PHLDB1: variants seen among roughly 807,000 people sequenced by gnomAD.
PHLDB1 encodes the protein pleckstrin homology like domain family B member 1.
Under a neutral mutation model 139.3 loss-of-function variants are expected in PHLDB1, and 65 were observed. That is an observed-to-expected ratio of 0.47 (90% confidence interval 0.38 to 0.57). The LOEUF is 0.57. Among genes scored for constraint, PHLDB1 ranks in the 20% least tolerant of loss-of-function variants. The probability of loss-of-function intolerance (pLI) is 0.00; values close to 1 mark genes in which losing one functional copy is unlikely to be tolerated. For synonymous variants in PHLDB1, 679 were observed against 734.5 expected, an observed-to-expected ratio of 0.92 and a Z score of 1.22; for missense variants, 1,624 against 1,839.7, an observed-to-expected ratio of 0.88 and a Z score of 2.14.
Position 118,644,155 on chromosome 11 carries a change from A to G in PHLDB1, c.3102A>G (p.Gln1034=). 1.2e-6 allele frequency: 2 copies of G among 1,612,396 alleles called. No individual in the cohort carries two copies. The highest frequency in any genetic ancestry group is 1.7e-6 in the Non-Finnish European group (2 of 1,179,602). ...TGCAGGACATCGAGACCAAGCGCCA[A>G]CTAGCTCTGCAGCAGAAGGGTGAGT... The part of the protein sequence containing the change: ...ATLQDIETKR[Q]LALQQKGQQV... Residue 1034 remains glutamine (Q), a synonymous_variant, in exon 15 of 23, where the codon CAA becomes CAG. Transcript: ENST00000600882.
intron 1 of PHLDB1, among the ~76,000 whole-genome samples, 180 bp downstream of exon 1, chr11:118,607,879 G>A (rs1237660584): frequency 6.6e-6 from 1 of 152,220 alleles, no homozygotes; most frequent in African/African-American, 2.4e-5. Flanking sequence ...CGAAAGGAGC[G>A]TTATGGGGAG....
At chr11:118,636,572 G>C (rs1945689053) in intron 10 of PHLDB1, 1 of 152,150 alleles carries the variant, frequency 6.6e-6, no homozygotes, top group South Asian at 2.1e-4. Context: ...CCTCAATGCT[G>C]TCCTTAGGAC....
intron 2 of PHLDB1, 125 bp downstream of exon 2, chr11:118,614,021 G>A (rs2135739628): frequency 1.5e-6 from 1 of 654,020 alleles, no homozygotes; most frequent in South Asian, 1.7e-5. Flanking sequence ...CCTTCCCCAG[G>A]TCCCAAGCCT....
chr11:118,610,302 A>G lies in PHLDB1; in HGVS notation c.-22+2603A>G, dbSNP rs996574422. 14 of 211,672 alleles carry G rather than the reference A, an allele frequency of 6.6e-5. No homozygotes were observed. Among genetic ancestry groups the G allele is most frequent in the Non-Finnish European group, 1.1e-4 (13 of 123,216 alleles). 13.1% of individuals were successfully genotyped at this position (211,672 alleles called of 1,614,324 possible). Reference sequence around the variant, plus strand: ...CTCTGTCAGGTTTTTCTCATCCTTAAGTTCTCTCGTCCCCCTCCCCACTCG... The same window carrying G: ...CTCTGTCAGGTTTTTCTCATCCTTAGGTTCTCTCGTCCCCCTCCCCACTCG... On this transcript the variant is annotated intron_variant, in intron 1 of 22. Coordinates refer to ENST00000600882, the MANE Select transcript of PHLDB1 (RefSeq NM_001144758.3). This position sits in a 1 kb window ranked among gnomAD's most constrained non-coding sequence, Gnocchi z 8.7.
chr11:118,618,737 C>T (rs782731162), intron 4 of PHLDB1, among the ~76,000 whole-genome samples: 15 of 151,758 alleles, frequency 9.9e-5, no homozygotes, highest in South Asian at 2.1e-4. Flanking sequence ...GCCTTGTAGA[C>T]GGGACCCTCC....
chr11:118,655,906 C>A lies in PHLDB1; in HGVS notation c.3993+14C>A. On this transcript the variant is annotated intron_variant, in intron 22 of 22. Coordinates refer to ENST00000600882, the MANE Select transcript of PHLDB1 (RefSeq NM_001144758.3). ...ATGGTGACTGAGGTACCCCTCCCCA[C>A]TTAGCTGTAACCAGCACATTAACAC... 1.2e-6 allele frequency: 2 copies of A among 1,602,822 alleles called. No individual in the cohort carries two copies. The highest frequency in any genetic ancestry group is 1.1e-5 in the South Asian group (1 of 90,840).
At chr11:118,616,414 T>G (rs1488192574) in intron 4 of PHLDB1, among the ~76,000 whole-genome samples, 1 of 152,192 alleles carries the variant, frequency 6.6e-6, no homozygotes, top group Non-Finnish European at 1.5e-5. Context: ...CCTGCTTTTC[T>G]TCTCTGGTCA....
intron 4 of PHLDB1, among the ~76,000 whole-genome samples, chr11:118,617,383 C>T (rs1414278385): frequency 6.6e-6 from 1 of 152,168 alleles, no homozygotes; most frequent in Non-Finnish European, 1.5e-5. Context: ...CTACTCACTC[C>T]ACTGTCTCCT....
chr11:118,643,076 G>A (rs1946847150), intron 13 of PHLDB1, among the ~76,000 whole-genome samples: 2 of 152,204 alleles, frequency 1.3e-5, no homozygotes, highest in Non-Finnish European at 2.9e-5. Context: ...GTAAGACTGT[G>A]ACCTCAGCTA....
intron 1 of PHLDB1, among the ~76,000 whole-genome samples, chr11:118,607,926 C>T (rs1161485856): frequency 1.3e-5 from 2 of 152,160 alleles, no homozygotes; most frequent in Admixed American, 1.3e-4. Flanking sequence ...CTTCCTCGGC[C>T]GCTGCCAACG....
intron 1 of PHLDB1, chr11:118,613,513 G>A (rs1214526825): frequency 2.6e-5 from 26 of 984,136 alleles, no homozygotes; most frequent in Non-Finnish European, 3.1e-5. Flanking sequence ...GTCAAAACCC[G>A]GGTTCTGAGT....
At position 118,645,588 on chromosome 11, in the gene PHLDB1, C is replaced by T. The variant is rs530346397; in HGVS notation, c.3354C>T (p.Asp1118=). Residue 1118 remains aspartate (D), a synonymous_variant, in exon 16 of 23, where the codon GAC becomes GAT. Transcript: ENST00000600882. This position sits in a 1 kb window ranked among gnomAD's most constrained non-coding sequence, Gnocchi z 5.1. ...AYDTLSLESS[D]SMETSISTGG... is the part of the protein sequence containing the mutation. ...ATACGCTGAGTCTGGAGAGCTCTGACAGCATGGAGACCAGCATCTCCACCG... is the reference window on the plus strand; with the variant it reads ...ATACGCTGAGTCTGGAGAGCTCTGATAGCATGGAGACCAGCATCTCCACCG... 2.0e-5 allele frequency: 32 copies of T among 1,613,866 alleles called. No individual in the cohort carries two copies. Among genetic ancestry groups the T allele is most frequent in the Non-Finnish European group, 2.1e-5 (25 of 1,179,844 alleles).
intron 3 of PHLDB1, chr11:118,615,769 C>G (rs534884918): frequency 1.8e-5 from 7 of 389,324 alleles, no homozygotes; most frequent in Non-Finnish European, 2.7e-5. Context: ...TCTTCCTTCT[C>G]CATCTGTGGA....
chr11:118,643,781 C>T lies in PHLDB1; in HGVS notation c.2878-19C>T. The T allele has an allele frequency of 6.2e-7, 1 of 1,614,068 alleles. No homozygotes were observed. Among genetic ancestry groups the T allele is most frequent in the Non-Finnish European group, 8.5e-7 (1 of 1,179,990 alleles). The stretch of plus-strand genomic sequence containing the variant: ...AATGGGGGAGCCAGGAATCACTGGG[C>T]ACTATCTTTTCTTTCCAGGTTTACC... On this transcript the variant is annotated intron_variant, in intron 13 of 22. Coordinates refer to ENST00000600882, the MANE Select transcript of PHLDB1 (RefSeq NM_001144758.3).
Position 118,650,402 on chromosome 11 carries a change from G to A in PHLDB1, c.3772-43G>A, listed in dbSNP as rs1241637545. On this transcript the variant is annotated intron_variant, in intron 19 of 22. Transcript: ENST00000600882. The surrounding 1 kb of genome is among the most constrained non-coding windows in gnomAD (Gnocchi z 4.7). ...GCGATGGCACACACTTAAGGCTTAAGGGCTGCATATTTGGGTCCTTCCTTA... is the reference window on the plus strand; with the variant it reads ...GCGATGGCACACACTTAAGGCTTAAAGGCTGCATATTTGGGTCCTTCCTTA... 2 of 1,340,918 alleles carry A rather than the reference G, an allele frequency of 1.5e-6. No individual in the cohort carries two copies. The highest frequency in any genetic ancestry group is 3.4e-5 in the Admixed American group (2 of 59,652). The allele number at this position is 1,340,918 out of a possible 1,614,324, so 83.1% of individuals were successfully genotyped here. A position where few individuals can be genotyped will look rare whatever the true frequency, so the allele number is the denominator to read the frequency against.
chr11:118,622,245 G>A (rs782487810), intron 4 of PHLDB1, among the ~76,000 whole-genome samples: 15 of 152,168 alleles, frequency 9.9e-5, no homozygotes, highest in Non-Finnish European at 1.2e-4. Context: ...TGGCCTTTGC[G>A]GGTTGGGGTG....
chr11:118,616,474 C>T (rs1195122915), intron 4 of PHLDB1, among the ~76,000 whole-genome samples: 2 of 152,062 alleles, frequency 1.3e-5, no homozygotes, highest in Non-Finnish European at 2.9e-5. Flanking sequence ...TTCTGATTCC[C>T]GCCATCAGAG....
intron 18 of PHLDB1, among the ~76,000 whole-genome samples, chr11:118,648,452 C>T (rs1947896537): frequency 6.6e-6 from 1 of 151,962 alleles, no homozygotes; most frequent in East Asian, 1.9e-4. Context: ...AGTGGCTCCC[C>T]TTGGCCTCTC....
At position 118,645,445 on chromosome 11, in the gene PHLDB1, C is replaced by T; in HGVS notation, c.3211C>T (p.His1071Tyr). The T allele has an allele frequency of 6.3e-7, 1 of 1,593,174 alleles. No individual in the cohort carries two copies. The highest frequency in any genetic ancestry group is 8.5e-7 in the Non-Finnish European group (1 of 1,170,280). Residue 1071 changes from histidine (H) to tyrosine (Y), a missense_variant, in exon 16 of 23, where the codon CAC becomes TAC. Coordinates refer to ENST00000600882, the MANE Select transcript of PHLDB1 (RefSeq NM_001144758.3). This position sits in a 1 kb window ranked among gnomAD's most constrained non-coding sequence, Gnocchi z 5.1. ...GGCACAGTGCCAGTGGGATGCCCTT[C>T]ACGGGGCAGCACCCTTCCCAGCGGG... ...AEAQCQWDAL[H>Y]GAAPFPAGPS...
Sources: gnomAD v4.1 joint callset for allele counts (sites outside exome capture counted in the v4.1 genomes callset) on GRCh38, gnomAD v4.1.1 for gene constraint, Gnocchi (gnomAD v3.1) non-coding constraint, MANE v1.5 for transcripts, NCBI Gene and HGNC (gene_info 2026-07-23, HGNC 2026-07-21) for gene names.